The following DAB2IP variants were observed in gnomAD, a reference collection of about 807,000 sequenced individuals.
DAB2IP encodes DAB2 interacting protein, also known as disabled homolog 2-interacting protein.
DAB2IP carries 28 observed loss-of-function variants against 107.2 expected under a neutral mutation model. That is an observed-to-expected ratio of 0.26 (90% confidence interval 0.19 to 0.36). The LOEUF (loss-of-function observed/expected upper bound fraction) is 0.36. Ranked by LOEUF, DAB2IP falls within the 10% of genes least tolerant of loss-of-function variation. DAB2IP has a pLI of 1.00. For synonymous variants in DAB2IP, 755 were observed against 706.4 expected (o/e 1.07, Z -1.09); for missense variants, 1,400 against 1,644.7 (o/e 0.85, Z 2.57).
intron 1 of DAB2IP, among the ~76,000 whole-genome samples, chr9:121,574,287 C>A (rs1335781983): frequency 2.0e-5 from 3 of 152,116 alleles, no homozygotes; most frequent in Admixed American, 2.0e-4. Flanking sequence ...AGGTGCCAGC[C>A]AAAGACCTGG....
At chr9:121,712,612 A>G (rs1830390174) in intron 3 of DAB2IP, among the ~76,000 whole-genome samples, 1 of 152,068 alleles carries the variant, frequency 6.6e-6, no homozygotes, top group African/African-American at 2.4e-5. Context: ...TCTCCCTTTC[A>G]TGCTAGAAAG....
intron 2 of DAB2IP, among the ~76,000 whole-genome samples, chr9:121,688,534 C>T (rs1351586184): frequency 6.6e-6 from 1 of 152,194 alleles, no homozygotes; most frequent in Non-Finnish European, 1.5e-5. Context: ...CCCACAATTC[C>T]TCCCCATCTC....
intron 1 of DAB2IP, among the ~76,000 whole-genome samples, chr9:121,644,285 GAAGGAAAGA>G (rs1311906315): frequency 6.6e-6 from 1 of 151,816 alleles, no homozygotes; most frequent in Non-Finnish European, 1.5e-5. Context: ...GAAAGAGAAA[GAAGGAAAGA>G]AAGAAAAGAA....
chr9:121,673,582 G>C (rs1428549151), intron 1 of DAB2IP, among the ~76,000 whole-genome samples: 2 of 151,848 alleles, frequency 1.3e-5, no homozygotes, highest in Admixed American at 1.3e-4. Flanking sequence ...GTATGTCTGT[G>C]ATATTAAAAT....
chr9:121,675,237 T>A (rs1833848978), intron 1 of DAB2IP, among the ~76,000 whole-genome samples: 1 of 152,094 alleles, frequency 6.6e-6, no homozygotes, highest in Non-Finnish European at 1.5e-5. Context: ...AGGATGACAG[T>A]TCCCGCAGGA....
chr9:121,711,923 C>T (rs1364042444), intron 3 of DAB2IP, among the ~76,000 whole-genome samples: 1 of 152,188 alleles, frequency 6.6e-6, no homozygotes, highest in African/African-American at 2.4e-5. Flanking sequence ...CCTCCCCATC[C>T]CCCTCTAGAC....
rs59590870 is a variant in DAB2IP at position 121,631,583 on chromosome 9, C to T, written c.41-47095C>T. On this transcript the variant is annotated intron_variant, in intron 1 of 16. Transcript: ENST00000259371. ...CTGTAATCCCAGAACTCTGGGAGGC[C>T]GAGGCTGGCGGATAACAAGGTCAAG... Among the ~76,000 whole-genome samples, 575 of 152,024 alleles carry T rather than the reference C, an allele frequency of 3.8e-3. 5 individuals are homozygous for T. Among genetic ancestry groups the T allele is most frequent in the African/African-American group, 0.013 (555 of 41,450 alleles).
intron 2 of DAB2IP, among the ~76,000 whole-genome samples, chr9:121,694,371 A>G (rs1389576944): frequency 6.6e-6 from 1 of 152,150 alleles, no homozygotes; most frequent in East Asian, 1.9e-4. Flanking sequence ...AGGATTCCTG[A>G]TAACAGGCAT....
chr9:121,716,756 A>G (rs568201729), intron 3 of DAB2IP, among the ~76,000 whole-genome samples: 1 of 152,244 alleles, frequency 6.6e-6, no homozygotes, highest in African/African-American at 2.4e-5. Context: ...TGGGGAAACA[A>G]GTTTCCCAGA....
intron 3 of DAB2IP, among the ~76,000 whole-genome samples, chr9:121,748,333 T>A (rs1480077746): frequency 2.0e-5 from 3 of 152,162 alleles, no homozygotes; most frequent in Non-Finnish European, 2.9e-5. Flanking sequence ...ATGCCTGGCC[T>A]CCAGGCCTGA....
intron 1 of DAB2IP, among the ~76,000 whole-genome samples, chr9:121,615,136 C>A (rs1831224904): frequency 6.6e-6 from 1 of 152,196 alleles, no homozygotes; most frequent in Non-Finnish European, 1.5e-5. Flanking sequence ...CGCCTTATGT[C>A]TGCAATAGTT....
intron 1 of DAB2IP, among the ~76,000 whole-genome samples, chr9:121,600,370 C>T (rs761480555): frequency 2.0e-5 from 3 of 152,156 alleles, no homozygotes; most frequent in Non-Finnish European, 2.9e-5. Context: ...GCTCTGGACC[C>T]CACCTTCCGT....
Position 121,782,805 on chromosome 9 carries a change from G to T in DAB2IP, c.*307G>T, listed in dbSNP as rs556340648. On this transcript the variant is annotated 3_prime_UTR_variant, in exon 16 of 16. Transcript: ENST00000408936. This position sits in a 1 kb window ranked among gnomAD's most constrained non-coding sequence, Gnocchi z 6.1. ...ATATGTCTGTTGGTTCCTGAATGTGGTGTGTCCTTGTCCTCCTGGATCTGG... is the reference window on the plus strand; with the variant it reads ...ATATGTCTGTTGGTTCCTGAATGTGTTGTGTCCTTGTCCTCCTGGATCTGG... 2.2e-5 allele frequency: 27 copies of T among 1,219,306 alleles called. No individual in the cohort carries two copies. The East Asian group carries it at 9.3e-4, about 42-fold the overall frequency. The allele number at this position is 1,219,306 out of a possible 1,614,324, so 75.5% of individuals were successfully genotyped here. A position where few individuals can be genotyped will look rare whatever the true frequency, so the allele number is the denominator to read the frequency against.
At position 121,699,374 on chromosome 9, in the gene DAB2IP, A is replaced by G. The variant is rs754643661; in HGVS notation, c.278A>G (p.Gln93Arg). 1.4e-6 allele frequency: 2 copies of G among 1,454,566 alleles called. No individual in the cohort carries two copies. The highest frequency in any genetic ancestry group is 1.3e-5 in the South Asian group (1 of 79,500). 90.1% of individuals were successfully genotyped at this position (1,454,566 alleles called of 1,614,324 possible). A position where few individuals can be genotyped will look rare whatever the true frequency, so the allele number is the denominator to read the frequency against. Residue 93 changes from glutamine to arginine, a missense_variant, in exon 3 of 16, where the codon CAG becomes CGG. This residue lies in a region of DAB2IP where 283 missense variants were observed against 237.0 expected (regional missense o/e 1.19). Coordinates refer to ENST00000408936, the Ensembl canonical transcript of DAB2IP. This position sits in a 1 kb window ranked among gnomAD's most constrained non-coding sequence, Gnocchi z 6.2. ...GGCTCCATCAAGCGCACCAAGAGCCAGCCCAAGCTGGACCGCAACCACAGC... is the reference window on the plus strand; with the variant it reads ...GGCTCCATCAAGCGCACCAAGAGCCGGCCCAAGCTGGACCGCAACCACAGC...
At chr9:121,572,869 G>T (rs1352230769) in intron 1 of DAB2IP, among the ~76,000 whole-genome samples, 3 of 152,108 alleles carry the variant, frequency 2.0e-5, no homozygotes, top group Non-Finnish European at 1.5e-5. Context: ...GGAGCAGGCA[G>T]CTCAAAAGCT....
intron 1 of DAB2IP, among the ~76,000 whole-genome samples, chr9:121,677,374 T>G (rs1833962727): frequency 6.6e-6 from 1 of 151,940 alleles, no homozygotes; most frequent in Admixed American, 6.6e-5. Context: ...TTAAAAAAAT[T>G]AGATAGGTGT....
At chr9:121,734,174 G>A (rs993499445) in intron 3 of DAB2IP, among the ~76,000 whole-genome samples, 2 of 140,656 alleles carry the variant, frequency 1.4e-5, no homozygotes, top group African/African-American at 6.4e-5. Flanking sequence ...TCAGGAGATC[G>A]AGACCATCCT....
Position 121,776,297 on chromosome 9 carries a change from G to A in DAB2IP, c.3220G>A (p.Val1074Met), listed in dbSNP as rs969590587. The A allele has an allele frequency of 6.3e-7, 1 of 1,575,544 alleles. No individual in the cohort carries two copies. The highest frequency in any genetic ancestry group is 8.6e-7 in the Non-Finnish European group (1 of 1,160,596). The stretch of plus-strand genomic sequence containing the variant: ...CCAGGAGGAGACGACGCAGAAGCTG[G>A]TGCTGGAGTACCAGGCACGGCTGGA... Residue 1074 changes from valine (V) to methionine (M), a missense_variant, in exon 14 of 16, where the codon GTG (valine) becomes ATG (methionine). Physicochemically the swap from Val to Met is conservative, Grantham distance 21 (BLOSUM62 1). Transcript: ENST00000408936. The surrounding 1 kb of genome is among the most constrained non-coding windows in gnomAD (Gnocchi z 5.4).
intron 3 of DAB2IP, chr9:121,752,029 T>C: frequency 1.0e-6 from 1 of 985,458 alleles, no homozygotes; most frequent in Non-Finnish European, 1.2e-6. Flanking sequence ...GCTAGTGATC[T>C]GCCATGTTTA....
Sources: gnomAD v4.1 joint callset for allele counts (sites outside exome capture counted in the v4.1 genomes callset) on GRCh38, gnomAD v4.1.1 for gene constraint, gnomAD v4.1.1 regional missense constraint, Gnocchi (gnomAD v3.1) non-coding constraint, MANE v1.5 for transcripts, NCBI Gene and HGNC (gene_info 2026-07-23, HGNC 2026-07-21) for gene names.